GALNTL6: variants seen among roughly 807,000 people sequenced by gnomAD.
GALNTL6 encodes the protein polypeptide N-acetylgalactosaminyltransferase-like 6.
A neutral mutation model predicts 73.7 loss-of-function variants in GALNTL6; 46 were observed. The ratio of observed to expected loss-of-function variants is 0.62; its 90% CI spans 0.49 to 0.80. The LOEUF (loss-of-function observed/expected upper bound fraction) is 0.80, where lower values mean the gene tolerates loss of function less well. Ranked by LOEUF, GALNTL6 falls within the 30% of genes least tolerant of loss-of-function variation. The pLI is 0.00. For synonymous variants in GALNTL6, 259 were observed against 263.7 expected (o/e 0.98, Z 0.17); for missense variants, 604 against 755.0 (o/e 0.80, Z 2.34).
chr4:172,426,557 G>T (rs1326550709), intron 5 of GALNTL6, among the ~76,000 whole-genome samples: 1 of 152,036 alleles, frequency 6.6e-6, no homozygotes, highest in Non-Finnish European at 1.5e-5. Context: ...AAAATAGAGA[G>T]GCAGGACACA....
At chr4:171,835,706 A>G (rs560537470) in intron 2 of GALNTL6, among the ~76,000 whole-genome samples, 59 of 152,020 alleles carry the variant, frequency 3.9e-4, no homozygotes, top group Non-Finnish European at 8.2e-4. Flanking sequence ...ATAAGAGCTT[A>G]AATTAGCTTT....
chr4:172,881,889 G>A (rs1048288998), intron 7 of GALNTL6, among the ~76,000 whole-genome samples: 2 of 152,056 alleles, frequency 1.3e-5, no homozygotes, highest in African/African-American at 4.8e-5. Context: ...TCAGCCTTGG[G>A]CAACATTCCA....
intron 7 of GALNTL6, among the ~76,000 whole-genome samples, chr4:172,882,580 T>G (rs952898149): frequency 2.0e-5 from 3 of 152,208 alleles, no homozygotes; most frequent in African/African-American, 7.2e-5. Context: ...AAATATTTAA[T>G]GCTCACAAGA....
At chr4:172,357,764 A>C (rs1424364480) in intron 5 of GALNTL6, among the ~76,000 whole-genome samples, 2 of 152,096 alleles carry the variant, frequency 1.3e-5, no homozygotes, top group African/African-American at 4.8e-5. Flanking sequence ...AGAACTGCTT[A>C]ATGCTAGCAA....
rs538861571 is a variant in GALNTL6 at position 172,827,275 on chromosome 4, A to C, written c.923+13552A>C. Among the ~76,000 whole-genome samples the C allele has an allele frequency of 3.3e-5, 5 of 152,224 alleles. No homozygotes were observed. The South Asian group carries it at 1.0e-3, about 32-fold the overall frequency. On this transcript the variant is annotated intron_variant, in intron 7 of 12. Coordinates refer to ENST00000506823, the MANE Select transcript of GALNTL6 (RefSeq NM_001034845.3). ...GATGAGTCCCTTCACCCTGCTTCAT[A>C]GTGCAGGTTCTCTAGCTTTCAACTC...
chr4:172,154,851 T>A (rs575939791), intron 2 of GALNTL6, among the ~76,000 whole-genome samples: 5 of 152,348 alleles, frequency 3.3e-5, no homozygotes, highest in African/African-American at 9.6e-5. Flanking sequence ...AGTAAATGTT[T>A]GATATAATTC....
chr4:172,586,877 CG>C (rs1278943821), intron 5 of GALNTL6, among the ~76,000 whole-genome samples: 1 of 152,144 alleles, frequency 6.6e-6, no homozygotes, highest in African/African-American at 2.4e-5. Context: ...GGCCTAAAAA[CG>C]TCTCCTGATT....
At chr4:172,358,669 C>T (rs1229311621) in intron 5 of GALNTL6, among the ~76,000 whole-genome samples, 1 of 151,962 alleles carries the variant, frequency 6.6e-6, no homozygotes, top group Non-Finnish European at 1.5e-5. Context: ...AAAGAAAATG[C>T]AAAATTTACC....
intron 2 of GALNTL6, among the ~76,000 whole-genome samples, chr4:171,989,069 G>C (rs1022329944): frequency 2.0e-4 from 30 of 152,142 alleles, no homozygotes; most frequent in Non-Finnish European, 3.7e-4. Context: ...GTCTAAGTTG[G>C]CACCAGAGTT....
chr4:171,909,051 G>C (rs1378887666), intron 2 of GALNTL6, among the ~76,000 whole-genome samples: 1 of 149,606 alleles, frequency 6.7e-6, no homozygotes, highest in Non-Finnish European at 1.5e-5. Context: ...GCTAGATGAC[G>C]AGTTAGTGGG....
chr4:172,445,127 A>G (rs1271952814), intron 5 of GALNTL6, among the ~76,000 whole-genome samples: 2 of 152,182 alleles, frequency 1.3e-5, no homozygotes, highest in South Asian at 2.1e-4. Context: ...TTTTTGTCCC[A>G]CTAGAGACAT....
At chr4:172,562,724 C>T (rs1579192002) in intron 5 of GALNTL6, among the ~76,000 whole-genome samples, 1 of 152,210 alleles carries the variant, frequency 6.6e-6, no homozygotes, top group Non-Finnish European at 1.5e-5. Context: ...TCATTCACTG[C>T]CTCTGTCTCA....
intron 5 of GALNTL6, among the ~76,000 whole-genome samples, chr4:172,742,957 A>C (rs970234502): frequency 2.0e-5 from 3 of 152,022 alleles, no homozygotes; most frequent in Admixed American, 6.6e-5. Context: ...TATGCATGCC[A>C]AACTTGTGAT....
intron 5 of GALNTL6, among the ~76,000 whole-genome samples, chr4:172,349,986 C>A (rs1359172069): frequency 1.3e-5 from 2 of 151,920 alleles, no homozygotes; most frequent in East Asian, 3.9e-4. Context: ...TTTTGAAAAA[C>A]AATGTAAATG....
rs575926475 is a variant in GALNTL6, at chr4:171,830,882, T to C, written c.138+16164T>C. ...AATTTCTGTTGTATAACATTTACTA[T>C]AAAATGTGTAGGCACAATGTGTGTT... On this transcript the variant is annotated intron_variant, in intron 2 of 12. Transcript: ENST00000506823. 2.6e-5 allele frequency among the ~76,000 whole-genome samples: 4 copies of C among 152,260 alleles called. No individual in the cohort carries two copies. In the East Asian group the frequency reaches 7.7e-4, roughly 29 times the overall value.
At chr4:172,777,133 T>C (rs906883777) in intron 5 of GALNTL6, among the ~76,000 whole-genome samples, 3 of 152,214 alleles carry the variant, frequency 2.0e-5, no homozygotes, top group Non-Finnish European at 1.5e-5. Flanking sequence ...CACATCACTC[T>C]GTACCCCATA....
chr4:171,908,098 G>A (rs1276718419), intron 2 of GALNTL6, among the ~76,000 whole-genome samples: 2 of 152,286 alleles, frequency 1.3e-5, no homozygotes, highest in East Asian at 3.9e-4. Context: ...AGGACTTCAT[G>A]TCTAAAACAT....
rs569798646 is a variant in GALNTL6 at position 172,291,090 on chromosome 4, A to T, written c.248-20524A>T. On this transcript the variant is annotated intron_variant, in intron 3 of 12. Coordinates refer to ENST00000506823, the MANE Select transcript of GALNTL6 (RefSeq NM_001034845.3). ...TATTATTCAAAACATTATTCAAAGC[A>T]TTCAAAAAACAAACCTGTGACAGCG... 6.6e-4 allele frequency among the ~76,000 whole-genome samples: 101 copies of T among 152,234 alleles called. 1 individual carries two copies. The highest frequency in any genetic ancestry group is 1.0e-3 in the Admixed American group (16 of 15,286).
intron 2 of GALNTL6, among the ~76,000 whole-genome samples, chr4:171,834,857 T>C (rs934784508): frequency 6.6e-6 from 1 of 151,964 alleles, no homozygotes; most frequent in Non-Finnish European, 1.5e-5. Context: ...GAGGAGTACT[T>C]TGTTGTTGTC....
Sources: gnomAD v4.1 joint callset for allele counts (sites outside exome capture counted in the v4.1 genomes callset) on GRCh38, gnomAD v4.1.1 for gene constraint, MANE v1.5 for transcripts, NCBI Gene and HGNC (gene_info 2026-07-23, HGNC 2026-07-21) for gene names.